The following PI4KB variants were observed in gnomAD, a reference collection of about 807,000 sequenced individuals.
PI4KB encodes PtdIns 4-kinase beta.
In PI4KB, 23 loss-of-function variants were observed where a neutral mutation model predicts 81.4. That is an observed-to-expected ratio of 0.28 (90% CI 0.20 to 0.40). The LOEUF is 0.40. PI4KB is among the 10% of genes least tolerant of loss of function. The pLI, the probability that PI4KB is intolerant of heterozygous loss-of-function variation, is 1.00. For synonymous variants in PI4KB, 381 were observed against 406.8 expected, an observed-to-expected ratio of 0.94 and a Z score of 0.76; for missense variants, 651 against 1,036.6, an observed-to-expected ratio of 0.63 and a Z score of 5.11.
At chr1:151,308,933 TG>T (rs1695999406) in intron 3 of PI4KB, among the ~76,000 whole-genome samples, 1 of 152,152 alleles carries the variant, frequency 6.6e-6, no homozygotes, top group African/African-American at 2.4e-5. Context: ...TTTTGAAAAC[TG>T]GGGAGTATCA....
chr1:151,313,372 C>T (rs1010765239), intron 2 of PI4KB, among the ~76,000 whole-genome samples: 1 of 152,168 alleles, frequency 6.6e-6, no homozygotes, highest in Non-Finnish European at 1.5e-5. Flanking sequence ...ATACCTGCCT[C>T]TCAGTGCCAT....
intron 1 of PI4KB, among the ~76,000 whole-genome samples, chr1:151,320,756 T>C (rs1326880990): frequency 6.6e-6 from 1 of 152,258 alleles, no homozygotes; most frequent in Non-Finnish European, 1.5e-5. Context: ...CACTACCTTT[T>C]AGGTCTGCTT....
chr1:151,324,587 G>A (rs948328280), intron 1 of PI4KB, among the ~76,000 whole-genome samples: 1 of 152,158 alleles, frequency 6.6e-6, no homozygotes, highest in Non-Finnish European at 1.5e-5. Context: ...GGGTAGGGAG[G>A]GCAGTGGTCT....
chr1:151,325,152 C>T (rs1227421190), intron 1 of PI4KB, among the ~76,000 whole-genome samples: 2 of 152,004 alleles, frequency 1.3e-5, no homozygotes, highest in East Asian at 3.9e-4. Flanking sequence ...CCACCATGCC[C>T]GGCTAATTTT....
At chr1:151,317,948 T>A (rs4971032) in intron 1 of PI4KB, among the ~76,000 whole-genome samples, 97,890 of 151,658 alleles carry the variant, frequency 0.65, 31,805 homozygotes, top group Middle Eastern at 0.69. Context: ...AGCTAGGACT[T>A]TAGGTGTGTG....
In PI4KB at chr1:151,294,140, T is replaced by C. The variant is rs1485305193; in HGVS notation, c.2149-2A>G. Reference sequence around the variant, plus strand: ...GTCGCCATCCAGGCCGCCCATCACCTGGAAAGGGAAGAGAGCGTTGTGTGC... The same window carrying C: ...GTCGCCATCCAGGCCGCCCATCACCCGGAAAGGGAAGAGAGCGTTGTGTGC... On this transcript the variant is annotated splice_acceptor_variant, in intron 10 of 11. Coordinates refer to ENST00000368873, the MANE Select transcript of PI4KB (RefSeq NM_001369623.2). LOFTEE classifies it high-confidence loss of function. The C allele has an allele frequency of 1.2e-6, 2 of 1,612,072 alleles. No individual in the cohort carries two copies. The highest frequency in any genetic ancestry group is 1.7e-6 in the Non-Finnish European group (2 of 1,178,904).
intron 1 of PI4KB, among the ~76,000 whole-genome samples, chr1:151,323,832 T>C (rs1231753795): frequency 6.6e-6 from 1 of 152,278 alleles, no homozygotes; most frequent in East Asian, 1.9e-4. Flanking sequence ...CTGAGATAAT[T>C]AAGGAGGTTA....
At chr1:151,310,387 T>G in intron 2 of PI4KB, 132 bp from the exon 3 acceptor site, 2 of 638,516 alleles carry the variant, frequency 3.1e-6, no homozygotes, top group Non-Finnish European at 5.6e-6. Context: ...TCTGCTTTAA[T>G]AAAAGAAAGT....
Position 151,294,074 on chromosome 1 carries a change from A to G in PI4KB, c.2213T>C (p.Ile738Thr), listed in dbSNP as rs1694579637. 6.2e-7 allele frequency: 1 copy of G among 1,613,990 alleles called. No homozygotes were observed. Among genetic ancestry groups the G allele is most frequent in the South Asian group, 1.1e-5 (1 of 91,082 alleles). Reference protein sequence around the residue: ...YYKMLMLQGLIAARKHMDKVV... With the variant: ...YYKMLMLQGLTAARKHMDKVV... Reference sequence around the variant, plus strand: ...CTTGTCCATGTGTTTCCGAGCGGCAATCAGCCCTTGCAGCATCAGCATCTT... The same window carrying G: ...CTTGTCCATGTGTTTCCGAGCGGCAGTCAGCCCTTGCAGCATCAGCATCTT... The change falls in exon 11 of 12, where the codon ATT becomes ACT. Residue 738 changes from isoleucine (I) to threonine (T), a missense_variant. Physicochemically the swap from Ile to Thr is moderately conservative, Grantham distance 89. Coordinates refer to ENST00000368873, the MANE Select transcript of PI4KB (RefSeq NM_001369623.2).
intron 2 of PI4KB, among the ~76,000 whole-genome samples, chr1:151,313,108 A>G (rs998932185): frequency 1.3e-5 from 2 of 152,214 alleles, no homozygotes; most frequent in Non-Finnish European, 2.9e-5. Context: ...AAGGGCTGGG[A>G]GAGACCCCTG....
At chr1:151,297,528 T>C (rs587623739) in intron 9 of PI4KB, among the ~76,000 whole-genome samples, 49 of 151,332 alleles carry the variant, frequency 3.2e-4, no homozygotes, top group Middle Eastern at 3.4e-3. Context: ...TATGTGTATG[T>C]ATATATATAA....
chr1:151,303,494 T>C, intron 6 of PI4KB, 47 bp downstream of exon 6: 1 of 1,117,378 alleles, frequency 8.9e-7, no homozygotes, highest in Non-Finnish European at 1.4e-6. Context: ...GATGGGAAGT[T>C]CCTGAAAGAG....
At chr1:151,321,664 G>T (rs1648858632) in intron 1 of PI4KB, among the ~76,000 whole-genome samples, 1 of 151,850 alleles carries the variant, frequency 6.6e-6, no homozygotes, top group Non-Finnish European at 1.5e-5. Flanking sequence ...ACGAGGTCAG[G>T]AGATGGAGAC....
At chr1:151,304,564 T>G (rs936613942) in intron 5 of PI4KB, among the ~76,000 whole-genome samples, 1 of 151,864 alleles carries the variant, frequency 6.6e-6, no homozygotes, top group African/African-American at 2.4e-5. Context: ...AGGCTGTTCT[T>G]GAACTCCTGA....
rs587603119 is a variant in PI4KB at position 151,310,211 on chromosome 1, G to A, written c.954C>T (p.Ser318=). ...STESIDNSFS[S]PVRLAPEREF... ...CCCGTCCCAGCCTGGCCCCACTTAC[G>A]GAACTGAATGAATTATCAATACTCT... The change falls in exon 3 of 12, where the codon TCC becomes TCT. Residue 318 remains serine, a splice_region_variant and synonymous_variant. Coordinates refer to ENST00000368873, the MANE Select transcript of PI4KB (RefSeq NM_001369623.2). 3.5e-5 allele frequency: 57 copies of A among 1,608,496 alleles called. No homozygotes were observed. In the South Asian group the frequency reaches 5.0e-4, roughly 14 times the overall value.
Position 151,301,888 on chromosome 1 carries a change from G to T in PI4KB, c.1705C>A (p.Leu569Ile). 2 of 1,614,114 alleles carry T rather than the reference G, an allele frequency of 1.2e-6. No homozygotes were observed. Among genetic ancestry groups the T allele is most frequent in the Non-Finnish European group, 8.5e-7 (1 of 1,180,030 alleles). The change falls in exon 8 of 12, where the codon CTT becomes ATT. Residue 569 changes from leucine to isoleucine, a missense_variant. Around this residue, in one of 5 missense-constraint regions of PI4KB, gnomAD observed 246 missense variants for 430.1 expected, o/e 0.57. Coordinates refer to ENST00000368873, the MANE Select transcript of PI4KB (RefSeq NM_001369623.2). ...TGAAAGGCCAGAAGCTCTTGCCGAA[G>T]GTCATCCCCACACTTGACAATGACT... is the stretch of plus-strand genomic sequence containing the variant. Reference protein sequence around the residue: ...LSVIVKCGDDLRQELLAFQVL... With the variant: ...LSVIVKCGDDIRQELLAFQVL...
intron 8 of PI4KB, 142 bp from the exon 9 acceptor site, chr1:151,299,215 G>T: frequency 1.4e-6 from 1 of 738,456 alleles, no homozygotes; most frequent in Non-Finnish European, 2.2e-6. Flanking sequence ...ACTTAACCCA[G>T]TGAGGACCAG....
At chr1:151,293,087 G>A (rs1481909904) in intron 11 of PI4KB, 54 bp from the exon 12 acceptor site, 1 of 1,594,412 alleles carries the variant, frequency 6.3e-7, no homozygotes, top group African/African-American at 1.3e-5. Flanking sequence ...GGGCAGTGGT[G>A]TCAGCCATAG....
intron 1 of PI4KB, among the ~76,000 whole-genome samples, chr1:151,323,449 G>A (rs141842074): frequency 3.9e-4 from 59 of 150,762 alleles, no homozygotes; most frequent in African/African-American, 1.4e-3. Context: ...GCAGGTTGCC[G>A]TGAGCTGAGA....
Sources: allele counts gnomAD v4.1 joint callset (sites outside exome capture counted in the v4.1 genomes callset), GRCh38; gene constraint gnomAD v4.1.1; regional missense constraint gnomAD v4.1.1; transcripts MANE v1.5; gene names NCBI Gene and HGNC (gene_info 2026-07-23, HGNC 2026-07-21).